The following AP1G2 variants were observed in gnomAD, a reference collection of about 807,000 sequenced individuals.
AP1G2 encodes the protein adaptor related protein complex 1 subunit gamma 2.
In AP1G2, 85 loss-of-function variants were observed where a neutral mutation model predicts 95.8. The observed-to-expected ratio is 0.89, with a 90% CI of 0.74 to 1.06. The LOEUF (loss-of-function observed/expected upper bound fraction) is 1.06. Ranked by LOEUF, AP1G2 falls within the 50% of genes least tolerant of loss-of-function variation. AP1G2 has a pLI of 0.00. For missense variants in AP1G2, 967 were observed against 1,005.8 expected, an observed-to-expected ratio of 0.96 and a Z score of 0.52; for synonymous variants, 378 against 400.0, an observed-to-expected ratio of 0.94 and a Z score of 0.66.
intron 20 of AP1G2, 78 bp from the exon 21 acceptor site, chr14:23,560,114 C>T (rs1043642586): frequency 2.8e-6 from 4 of 1,411,120 alleles, no homozygotes; most frequent in Admixed American, 1.9e-5. Flanking sequence ...AGTGGCTCCA[C>T]ACCCTTTTCC....
intron 8 of AP1G2, 103 bp from the exon 9 acceptor site, chr14:23,564,763 G>GC: frequency 1.9e-6 from 2 of 1,061,068 alleles, no homozygotes; most frequent in Non-Finnish European, 1.4e-6. Context: ...CTGCAGCCTT[G>GC]ACCTCCCAGG....
rs1022414546 is a variant in AP1G2 at position 23,566,094 on chromosome 14, A to C, written c.538T>G (p.Cys180Gly). ...PELSSVFLPP[C>G]AQLLHERHHG... is the part of the protein sequence containing the mutation. ...TGACGCTCATGAAGCAGTTGGGCAC[A>C]GGGTGGGAGGAAGACACTGGAGAGT... The change falls in exon 5 of 22, where the codon TGT becomes GGT. Residue 180 changes from cysteine (C) to glycine (G), a missense_variant. Coordinates refer to ENST00000397120, the MANE Select transcript of AP1G2 (RefSeq NM_003917.5). 1.9e-6 allele frequency: 3 copies of C among 1,614,002 alleles called. No homozygotes were observed. Among genetic ancestry groups the C allele is most frequent in the Non-Finnish European group, 2.5e-6 (3 of 1,179,902 alleles).
Position 23,559,622 on chromosome 14 carries a change from G to A in AP1G2, c.*127C>T, listed in dbSNP as rs1883067459. On this transcript the variant is annotated 3_prime_UTR_variant, in exon 22 of 22. Coordinates refer to ENST00000397120, the MANE Select transcript of AP1G2 (RefSeq NM_003917.5). ...GCTTTATTTGTGGGAGAAGGGGGCT[G>A]GTCCCCAGTTTTTGCAGTGCAAAGC... The A allele has an allele frequency of 1.7e-5, 13 of 758,730 alleles. No individual in the cohort carries two copies. The South Asian group carries it at 2.1e-4, about 12-fold the overall frequency. 47.0% of individuals were successfully genotyped at this position (758,730 alleles called of 1,614,324 possible). A position where few individuals can be genotyped will look rare whatever the true frequency, so the allele number is the denominator to read the frequency against.
chr14:23,564,523 T>C, intron 9 of AP1G2, 39 bp downstream of exon 9: 1 of 1,606,500 alleles, frequency 6.2e-7, no homozygotes, highest in Non-Finnish European at 8.5e-7. Flanking sequence ...GGTGAGGTGG[T>C]GGGCGGGGCC....
At position 23,567,062 on chromosome 14, in the gene AP1G2, C is replaced by A; in HGVS notation, c.204+49G>T. ...ACAGGTGAGAGAGTCTGGGACTCTG[C>A]CCCACTAGCCTTCATCAAGCTCAGG... On this transcript the variant is annotated intron_variant, in intron 2 of 21. Coordinates refer to ENST00000397120, the MANE Select transcript of AP1G2 (RefSeq NM_003917.5). This position sits in a 1 kb window ranked among gnomAD's most constrained non-coding sequence, Gnocchi z 5.3. 1 of 1,558,058 alleles carries A rather than the reference C, an allele frequency of 6.4e-7. No homozygotes were observed. The highest frequency in any genetic ancestry group is 8.7e-7 in the Non-Finnish European group (1 of 1,147,490).
Position 23,559,590 on chromosome 14 carries a change from T to G in AP1G2, c.*159A>C. 2 of 637,694 alleles carry G rather than the reference T, an allele frequency of 3.1e-6. No individual in the cohort carries two copies. The highest frequency in any genetic ancestry group is 2.8e-6 in the Non-Finnish European group (1 of 356,450). 39.5% of individuals were successfully genotyped at this position (637,694 alleles called of 1,614,324 possible). A position where few individuals can be genotyped will look rare whatever the true frequency, so the allele number is the denominator to read the frequency against. On this transcript the variant is annotated 3_prime_UTR_variant, in exon 22 of 22. Coordinates refer to ENST00000397120, the MANE Select transcript of AP1G2 (RefSeq NM_003917.5). ...TATGGCTTTCCTCACTTCTCAGGCT[T>G]TATTGGGCTTTATTTGTGGGAGAAG...
In AP1G2 at chr14:23,562,080, G is replaced by C; in HGVS notation, c.1629-14C>G. The C allele has an allele frequency of 1.9e-6, 3 of 1,611,674 alleles. No homozygotes were observed. In the South Asian group the frequency reaches 3.3e-5, roughly 18 times the overall value. On this transcript the variant is annotated splice_polypyrimidine_tract_variant and intron_variant, in intron 16 of 21. Coordinates refer to ENST00000397120, the MANE Select transcript of AP1G2 (RefSeq NM_003917.5). ...TGGCGGATGCGGCTGGGCCAGTGTA[G>C]TATGTAAGTGGCTATGGCAGTGTGC...
rs751542196 is a variant in AP1G2 at position 23,563,488 on chromosome 14, C to T, written c.1302G>A (p.Val434=). ...TCAGGTTGGCCACTGCATCATCCCG[C>T]ACATGGGTGCCCGCCTGGAAGGTGT... ...LHVLTTAGTH[V]RDDAVANLTQ... Residue 434 remains valine (V), a synonymous_variant, in exon 14 of 22, where the codon GTG becomes GTA. Transcript: ENST00000397120. 1.9e-6 allele frequency: 3 copies of T among 1,614,204 alleles called. No individual in the cohort carries two copies. The highest frequency in any genetic ancestry group is 2.2e-5 in the South Asian group (2 of 91,076).
rs190216282 is a variant in AP1G2 at position 23,563,999 on chromosome 14, A to C, written c.1091+47T>G. The C allele has an allele frequency of 2.0e-5, 33 of 1,611,260 alleles. 1 individual carries two copies. The African/African-American group carries it at 4.4e-4, about 21-fold the overall frequency. ...CTGGCTCGAGTCTTGGCCACAGGGC[A>C]CTGGGAACCTCTGCCCTGCCCTCCT... is the stretch of plus-strand genomic sequence containing the variant. On this transcript the variant is annotated intron_variant, in intron 11 of 21. Coordinates refer to ENST00000397120, the MANE Select transcript of AP1G2 (RefSeq NM_003917.5).
At position 23,566,170 on chromosome 14, in the gene AP1G2, T is replaced by A. The variant is rs1476715102; in HGVS notation, c.472-10A>T. On this transcript the variant is annotated splice_polypyrimidine_tract_variant and intron_variant, in intron 4 of 21. Transcript: ENST00000397120. Reference sequence around the variant, plus strand: ...CTGCAGTCAGAATAGCCTGCAGAGGTCAGGGGCCTCAGACAGGGGTCAGAG... The same window carrying A: ...CTGCAGTCAGAATAGCCTGCAGAGGACAGGGGCCTCAGACAGGGGTCAGAG... 6.3e-7 allele frequency: 1 copy of A among 1,595,402 alleles called. No individual in the cohort carries two copies. The highest frequency in any genetic ancestry group is 1.3e-5 in the African/African-American group (1 of 74,514).
intron 19 of AP1G2, chr14:23,561,094 T>C: frequency 7.6e-7 from 1 of 1,314,136 alleles, no homozygotes; most frequent in South Asian, 2.6e-5. Context: ...AGCAGGGCCC[T>C]GTAGGCCAGG....
At position 23,559,614 on chromosome 14, in the gene AP1G2, A is replaced by C; in HGVS notation, c.*135T>G. 1 of 706,426 alleles carries C rather than the reference A, an allele frequency of 1.4e-6. No homozygotes were observed. The highest frequency in any genetic ancestry group is 2.5e-6 in the Non-Finnish European group (1 of 406,328). The allele number at this position is 706,426 out of a possible 1,614,324, so 43.8% of individuals were successfully genotyped here. On this transcript the variant is annotated 3_prime_UTR_variant, in exon 22 of 22. Transcript: ENST00000397120. Reference sequence around the variant, plus strand: ...TTTATTGGGCTTTATTTGTGGGAGAAGGGGGCTGGTCCCCAGTTTTTGCAG... The same window carrying C: ...TTTATTGGGCTTTATTTGTGGGAGACGGGGGCTGGTCCCCAGTTTTTGCAG...
intron 14 of AP1G2, 84 bp from the exon 15 acceptor site, chr14:23,562,677 A>C: frequency 7.0e-7 from 1 of 1,424,044 alleles, no homozygotes; most frequent in East Asian, 2.5e-5. Flanking sequence ...CTGAGGCGGG[A>C]GGATTGCTTG....
chr14:23,563,810 G>A lies in AP1G2; in HGVS notation c.1138C>T (p.Arg380Ter), dbSNP rs199932071. ...SLALVNSSNV[R>*]AMMQELQAFL... ...GCCTGCAGCTCTTGCATCATGGCTC[G>A]CACATTGGAGCTATTTACCAGAGCC... Residue 380 changes from arginine to a stop codon, truncating the protein, a stop_gained, in exon 12 of 22, where the codon CGA (arginine) becomes TGA (stop). Coordinates refer to ENST00000397120, the MANE Select transcript of AP1G2 (RefSeq NM_003917.5). LOFTEE classifies it high-confidence loss of function. The A allele has an allele frequency of 5.6e-6, 9 of 1,614,104 alleles. No individual in the cohort carries two copies. The highest frequency in any genetic ancestry group is 2.2e-5 in the East Asian group (1 of 44,880).
Position 23,564,641 on chromosome 14 carries a change from G to C in AP1G2, c.842C>G (p.Thr281Ser), listed in dbSNP as rs753224607. Reference sequence around the variant, plus strand: ...GACCGCATTTCCGGCATTTCGGCTGGTGTCCGTGTTAGTGGCCACCTGAGT... The same window carrying C: ...GACCGCATTTCCGGCATTTCGGCTGCTGTCCGTGTTAGTGGCCACCTGAGT... ...LLAQVATNTD[T>S]SRNAGNAVLF... The change falls in exon 9 of 22, where the codon ACC becomes AGC. Residue 281 changes from threonine (T) to serine (S), a missense_variant. Coordinates refer to ENST00000397120, the MANE Select transcript of AP1G2 (RefSeq NM_003917.5). 2.5e-6 allele frequency: 4 copies of C among 1,613,706 alleles called. No homozygotes were observed. Among genetic ancestry groups the C allele is most frequent in the Non-Finnish European group, 3.4e-6 (4 of 1,180,016 alleles).
chr14:23,563,163 G>A, intron 14 of AP1G2: 1 of 1,426,084 alleles, frequency 7.0e-7, no homozygotes, highest in Admixed American at 2.9e-5. Context: ...GAGCATAAGG[G>A]AAGTTAGTCA....
In AP1G2 at chr14:23,564,366, C is replaced by CATTA; in HGVS notation, c.943_944insTAAT (p.Gly315ValfsTer9). On this transcript the variant is annotated frameshift_variant, in exon 10 of 22. Coordinates refer to ENST00000397120, the MANE Select transcript of AP1G2 (RefSeq NM_003917.5). LOFTEE classifies it high-confidence loss of function. ...CCTGTCACTGTTGAGTAGGAAGCGA[C>CATTA]CAAGAATGTTGACAGCTAGAACCTA... The CATTA allele has an allele frequency of 6.2e-7, 1 of 1,614,124 alleles. No homozygotes were observed. The highest frequency in any genetic ancestry group is 8.5e-7 in the Non-Finnish European group (1 of 1,180,032).
At chr14:23,566,204 C>T (rs1342570443) in intron 4 of AP1G2, 44 bp from the exon 5 acceptor site, 5 of 1,597,486 alleles carry the variant, frequency 3.1e-6, no homozygotes, top group South Asian at 2.3e-5. Flanking sequence ...AGGAGATGGA[C>T]CCCTGCATCT....
In AP1G2 at chr14:23,563,424, AG is replaced by A. The variant is rs1566637990; in HGVS notation, c.1365del (p.Ser456LeufsTer77). On this transcript the variant is annotated frameshift_variant, in exon 14 of 22. Transcript: ENST00000397120. LOFTEE classifies it high-confidence loss of function. ...LIGGAQELHA[Y>X]SVRRLYNALA... is the part of the protein sequence containing the mutation. ...AGGGCATTGTAGAGGCGGCGCACAGAGTAGGCATGTAGCTCCTGGGCCCCCC... is the reference window on the plus strand; with the variant it reads ...AGGGCATTGTAGAGGCGGCGCACAGATAGGCATGTAGCTCCTGGGCCCCCC... 1 of 1,611,636 alleles carries A rather than the reference AG, an allele frequency of 6.2e-7. No individual in the cohort carries two copies. Among genetic ancestry groups the A allele is most frequent in the Admixed American group, 1.7e-5 (1 of 59,798 alleles).
Sources: gnomAD v4.1 joint callset for allele counts on GRCh38, gnomAD v4.1.1 for gene constraint, Gnocchi (gnomAD v3.1) non-coding constraint, MANE v1.5 for transcripts, NCBI Gene and HGNC (gene_info 2026-07-23, HGNC 2026-07-21) for gene names.